Variants in CDC37L1 observed in about 807,000 individuals in gnomAD.
The protein encoded by CDC37L1 is hsp90 co-chaperone Cdc37-like 1.
A neutral mutation model predicts 45.9 loss-of-function variants in CDC37L1; 32 were observed. That is an observed-to-expected ratio of 0.70 (90% CI 0.53 to 0.94). The LOEUF is 0.94. CDC37L1 is among the 40% of genes least tolerant of loss of function. The pLI, the probability that CDC37L1 is intolerant of heterozygous loss-of-function variation, is 0.00. For missense variants in CDC37L1, 434 were observed against 405.7 expected, an observed-to-expected ratio of 1.07 and a Z score of -0.60; for synonymous variants, 150 against 133.0, an observed-to-expected ratio of 1.13 and a Z score of -0.88.
intron 3 of CDC37L1, among the ~76,000 whole-genome samples, chr9:4,696,199 A>G (rs573141316): frequency 6.6e-6 from 1 of 152,240 alleles, no homozygotes; most frequent in South Asian, 2.1e-4. Flanking sequence ...TTTCTTGTGT[A>G]CTGATGTGGA....
At chr9:4,696,930 T>G (rs1305442720) in intron 3 of CDC37L1, among the ~76,000 whole-genome samples, 166 bp from the exon 4 acceptor site, 1 of 152,220 alleles carries the variant, frequency 6.6e-6, no homozygotes, top group Non-Finnish European at 1.5e-5. Flanking sequence ...TGTCCCTCAC[T>G]TGCTCTTTTA....
chr9:4,692,016 A>C (rs192975889), intron 3 of CDC37L1, among the ~76,000 whole-genome samples: 1 of 152,116 alleles, frequency 6.6e-6, no homozygotes, highest in Non-Finnish European at 1.5e-5. Flanking sequence ...TTTCAGCCAA[A>C]GTTAGCTGTG....
At chr9:4,696,315 G>A (rs564183509) in intron 3 of CDC37L1, among the ~76,000 whole-genome samples, 2 of 152,188 alleles carry the variant, frequency 1.3e-5, no homozygotes, top group South Asian at 4.2e-4. Flanking sequence ...CTTTGCATGA[G>A]TCTAAGGAAT....
intron 2 of CDC37L1, among the ~76,000 whole-genome samples, chr9:4,687,044 T>A (rs1167045365): frequency 1.3e-5 from 2 of 152,240 alleles, no homozygotes; most frequent in Admixed American, 1.3e-4. Context: ...ATTACATTTG[T>A]GACTTGGATT....
chr9:4,687,131 T>A (rs1276159619), intron 2 of CDC37L1, among the ~76,000 whole-genome samples: 1 of 152,194 alleles, frequency 6.6e-6, no homozygotes, highest in Non-Finnish European at 1.5e-5. Context: ...ATATGTAAAC[T>A]TTTGAGTGCT....
chr9:4,697,924 G>T, intron 5 of CDC37L1, 45 bp downstream of exon 5: 1 of 1,588,864 alleles, frequency 6.3e-7, no homozygotes, highest in Non-Finnish European at 8.6e-7. Flanking sequence ...TTTGGTCCCA[G>T]CTGAGACCTC....
In CDC37L1 at chr9:4,706,392, G is replaced by C; in HGVS notation, c.*280G>C. 4.4e-6 allele frequency: 1 copy of C among 225,288 alleles called. No individual in the cohort carries two copies. Among genetic ancestry groups the C allele is most frequent in the Non-Finnish European group, 8.9e-6 (1 of 112,524 alleles). 14.0% of individuals were successfully genotyped at this position (225,288 alleles called of 1,614,324 possible). A position where few individuals can be genotyped will look rare whatever the true frequency, so the allele number is the denominator to read the frequency against. On this transcript the variant is annotated 3_prime_UTR_variant, in exon 7 of 7. Coordinates refer to ENST00000381854, the MANE Select transcript of CDC37L1 (RefSeq NM_017913.4). Reference sequence around the variant, plus strand: ...TTTAATCTTATTGTTCTCAATTTTGGAATCAAGTATGAAAATCTGCACAAA... The same window carrying C: ...TTTAATCTTATTGTTCTCAATTTTGCAATCAAGTATGAAAATCTGCACAAA...
chr9:4,689,192 G>C (rs1346834570), intron 3 of CDC37L1, among the ~76,000 whole-genome samples: 1 of 152,136 alleles, frequency 6.6e-6, no homozygotes, highest in African/African-American at 2.4e-5. Context: ...ATGTATAAGG[G>C]AGGCAAGCCA....
At chr9:4,693,288 A>C (rs1841317703) in intron 3 of CDC37L1, among the ~76,000 whole-genome samples, 1 of 151,684 alleles carries the variant, frequency 6.6e-6, no homozygotes, top group Non-Finnish European at 1.5e-5. Flanking sequence ...CAAAAAAAAA[A>C]AAAAATTCGT....
chr9:4,698,846 G>A (rs1841372482), intron 5 of CDC37L1, among the ~76,000 whole-genome samples: 1 of 152,076 alleles, frequency 6.6e-6, no homozygotes, highest in Non-Finnish European at 1.5e-5. Flanking sequence ...ACAAATATGA[G>A]AATCTAGCCA....
At chr9:4,699,921 T>C (rs1436827750) in intron 5 of CDC37L1, among the ~76,000 whole-genome samples, 1 of 152,106 alleles carries the variant, frequency 6.6e-6, no homozygotes, top group Non-Finnish European at 1.5e-5. Context: ...TGTGGTGAAA[T>C]TATAAATAAT....
Position 4,688,588 on chromosome 9 carries a change from CA to C in CDC37L1, c.496del (p.Ile166SerfsTer7). 1.3e-6 allele frequency: 2 copies of C among 1,518,124 alleles called. No individual in the cohort carries two copies. The highest frequency in any genetic ancestry group is 1.8e-6 in the Non-Finnish European group (2 of 1,124,712). 94.0% of individuals were successfully genotyped at this position (1,518,124 alleles called of 1,614,324 possible). The stretch of plus-strand genomic sequence containing the variant: ...AGAATCATTTATGCAAAAATATGAG[CA>C]AAAAATCAGACATTTTGGTAAGTCT... Reference protein sequence around the residue: ...KSESFMQKYEQKIRHFGMLSR... With the variant: ...KSESFMQKYEXKIRHFGMLSR... On this transcript the variant is annotated frameshift_variant, in exon 3 of 7. Transcript: ENST00000381854. LOFTEE classifies it high-confidence loss of function.
Position 4,682,329 on chromosome 9 carries a change from A to ATTTTTTTTTTT in CDC37L1, c.132+2435_132+2445dup, listed in dbSNP as rs1313029477. Among the ~76,000 whole-genome samples the ATTTTTTTTTTT allele has an allele frequency of 9.9e-4, 92 of 92,820 alleles. 9 individuals carry two copies. Among genetic ancestry groups the ATTTTTTTTTTT allele is most frequent in the East Asian group, 7.0e-3 (21 of 3,012 alleles). 60.9% of individuals were successfully genotyped at this position (92,820 alleles called of 152,430 possible). A position where few individuals can be genotyped will look rare whatever the true frequency, so the allele number is the denominator to read the frequency against. On this transcript the variant is annotated intron_variant, in intron 1 of 6. Transcript: ENST00000381854. The stretch of plus-strand genomic sequence containing the variant: ...AGGTGCCCACCACTGTGCCCAGCTA[A>ATTTTTTTTTTT]TTTTTTTTTTTTTTTGAGATGGAGT...
intron 6 of CDC37L1, among the ~76,000 whole-genome samples, chr9:4,704,397 G>A (rs1235245618): frequency 6.6e-6 from 1 of 152,178 alleles, no homozygotes; most frequent in Admixed American, 6.5e-5. Flanking sequence ...ATGAAAATAT[G>A]GGACAGTCAA....
At position 4,697,145 on chromosome 9, in the gene CDC37L1, A is replaced by C. The variant is rs766359724; in HGVS notation, c.558A>C (p.Pro186=). ...DDSQRFLSDH[P]YLVCEETAKY... is the part of the protein sequence containing the mutation. ...GCCAGAGATTTTTGTCTGACCATCC[A>C]TACCTTGTATGTGAAGAAACTGCTA... is the stretch of plus-strand genomic sequence containing the variant. The change falls in exon 4 of 7, where the codon CCA becomes CCC. Residue 186 remains proline (P), a synonymous_variant. Transcript: ENST00000381854. 3.8e-6 allele frequency: 6 copies of C among 1,597,686 alleles called. No homozygotes were observed. In the Admixed American group the frequency reaches 5.0e-5, roughly 13 times the overall value.
rs934792127 is a variant in CDC37L1, at chr9:4,706,717, A to G, written c.*605A>G. The G allele has an allele frequency of 4.6e-5, 7 of 152,450 alleles. No individual in the cohort carries two copies. Among genetic ancestry groups the G allele is most frequent in the African/African-American group, 1.7e-4 (7 of 41,444 alleles). 9.4% of individuals were successfully genotyped at this position (152,450 alleles called of 1,614,324 possible). ...ACTATAATACAAATTTGATATATACATTACATTTACCCTCAAATTATTCTC... is the reference window on the plus strand; with the variant it reads ...ACTATAATACAAATTTGATATATACGTTACATTTACCCTCAAATTATTCTC... On this transcript the variant is annotated 3_prime_UTR_variant, in exon 7 of 7. Transcript: ENST00000381854.
At chr9:4,697,320 G>A (rs1841357262) in intron 4 of CDC37L1, 109 bp downstream of exon 4, 1 of 644,336 alleles carries the variant, frequency 1.6e-6, no homozygotes, top group Non-Finnish European at 2.7e-6. Flanking sequence ...AAAGAAAGCA[G>A]GAAGGTCATT....
chr9:4,699,698 C>A (rs949938216), intron 5 of CDC37L1, among the ~76,000 whole-genome samples: 2 of 151,920 alleles, frequency 1.3e-5, no homozygotes, highest in African/African-American at 4.8e-5. Flanking sequence ...ATAATGATAA[C>A]CTCAGGGAGG....
chr9:4,695,411 C>CTA (rs556799435), intron 3 of CDC37L1, among the ~76,000 whole-genome samples: 92 of 152,248 alleles, frequency 6.0e-4, no homozygotes, highest in African/African-American at 2.2e-3. Flanking sequence ...TTCAAATGAC[C>CTA]TAATCATTAT....
Sources: allele counts gnomAD v4.1 joint callset (sites outside exome capture counted in the v4.1 genomes callset), GRCh38; gene constraint gnomAD v4.1.1; transcripts MANE v1.5; gene names NCBI Gene and HGNC (gene_info 2026-07-23, HGNC 2026-07-21).